Variants in EMSY observed in about 807,000 individuals in gnomAD.
EMSY encodes the protein EMSY transcriptional repressor, BRCA2 interacting.
Under a neutral mutation model 134.6 loss-of-function variants are expected in EMSY, and 26 were observed. The ratio of observed to expected loss-of-function variants is 0.19; its 90% CI spans 0.14 to 0.27. The LOEUF is 0.27. EMSY is among the 10% of genes least tolerant of loss of function. The probability of loss-of-function intolerance (pLI) is 1.00; values close to 1 mark genes in which losing one functional copy is unlikely to be tolerated. For missense variants in EMSY, 1,305 were observed against 1,611.4 expected (o/e 0.81, Z 3.26); for synonymous variants, 579 against 577.8 (o/e 1.00, Z -0.03).
downstream of EMSY, chr11:76,551,795 T>TTA (rs1275807100): frequency 6.6e-6 from 1 of 152,222 alleles, no homozygotes; most frequent in Non-Finnish European, 1.5e-5. Flanking sequence ...TAAATACATG[T>TTA]TAGACTTTGC....
intron 3 of EMSY, among the ~76,000 whole-genome samples, chr11:76,452,602 C>G (rs566127054): frequency 6.6e-6 from 1 of 152,014 alleles, no homozygotes; most frequent in Non-Finnish European, 1.5e-5. Context: ...GTATGGAATA[C>G]AATTTGAAGA....
intron 9 of EMSY, among the ~76,000 whole-genome samples, chr11:76,510,303 T>A (rs2136070921): frequency 6.6e-6 from 1 of 152,328 alleles, no homozygotes; most frequent in South Asian, 2.1e-4. Flanking sequence ...TGAGCCATGA[T>A]CACACCATTG....
chr11:76,551,915 A>G (rs1214681750), downstream of EMSY: 1 of 152,202 alleles, frequency 6.6e-6, no homozygotes, highest in African/African-American at 2.4e-5. Flanking sequence ...AAAATAAAGT[A>G]TCTTTTAAAT....
intron 11 of EMSY, among the ~76,000 whole-genome samples, chr11:76,521,174 T>G (rs552215714): frequency 6.6e-6 from 1 of 152,328 alleles, no homozygotes; most frequent in East Asian, 1.9e-4. Flanking sequence ...AGTTACTTCT[T>G]AGATCAAAGT....
intron 7 of EMSY, among the ~76,000 whole-genome samples, chr11:76,472,180 A>G (rs923381842): frequency 2.6e-5 from 4 of 152,156 alleles, no homozygotes; most frequent in Admixed American, 6.5e-5. Flanking sequence ...TCATTCTTCT[A>G]TTCTCCAGCG....
chr11:76,542,175 G>A, intron 17 of EMSY, 41 bp from the exon 19 acceptor site: 3 of 1,609,130 alleles, frequency 1.9e-6, no homozygotes, highest in Non-Finnish European at 2.6e-6. Flanking sequence ...CAGATGCTGT[G>A]GTGATTTCTG....
intron 9 of EMSY, among the ~76,000 whole-genome samples, chr11:76,512,103 T>A (rs1341965240): frequency 6.6e-6 from 1 of 152,230 alleles, no homozygotes; most frequent in Non-Finnish European, 1.5e-5. Flanking sequence ...AAAAGTAATA[T>A]AATTCTTAGT....
At chr11:76,527,342 A>T (rs574480413) in intron 13 of EMSY, among the ~76,000 whole-genome samples, 2 of 152,288 alleles carry the variant, frequency 1.3e-5, no homozygotes, top group Non-Finnish European at 2.9e-5. Flanking sequence ...TCTAAAAAAA[A>T]AATAAGCTTT....
chr11:76,449,357 T>A (rs1426066305), intron 2 of EMSY, among the ~76,000 whole-genome samples: 1 of 152,164 alleles, frequency 6.6e-6, no homozygotes, highest in Non-Finnish European at 1.5e-5. Context: ...GGTAACTGTG[T>A]TCAGAGTCCC....
At chr11:76,452,713 A>G (rs1947717595) in intron 3 of EMSY, among the ~76,000 whole-genome samples, 1 of 152,232 alleles carries the variant, frequency 6.6e-6, no homozygotes. Flanking sequence ...CAGGATTAAT[A>G]TAAGCACATT....
exon 9 of EMSY, chr11:76,496,451 C>G: frequency 6.2e-7 from 1 of 1,614,054 alleles, no homozygotes; most frequent in Non-Finnish European, 8.5e-7. Context: ...ACCTACCATC[C>G]AAATCAAACA....
chr11:76,479,092 T>C (rs2135462935), intron 8 of EMSY, among the ~76,000 whole-genome samples: 1 of 152,108 alleles, frequency 6.6e-6, no homozygotes, highest in South Asian at 2.1e-4. Flanking sequence ...TTCTTCTTGT[T>C]TTAAAAAAAA....
chr11:76,450,960 ATTTTTTGTATT>A (rs778815010), intron 2 of EMSY, among the ~76,000 whole-genome samples: 49 of 149,200 alleles, frequency 3.3e-4, no homozygotes, highest in South Asian at 1.1e-3. Flanking sequence ...CACCCAGCTA[ATTTTTTGTATT>A]TTTTTTGTAC....
chr11:76,510,984 C>A (rs1476123869), intron 9 of EMSY, among the ~76,000 whole-genome samples: 1 of 152,108 alleles, frequency 6.6e-6, no homozygotes. Context: ...ATTATTTGCC[C>A]TTGGCACGAT....
At chr11:76,544,803 A>G in exon 19 of EMSY, 1 of 1,614,124 alleles carries the variant, frequency 6.2e-7, no homozygotes, top group Non-Finnish European at 8.5e-7. Context: ...GCTTCTTCAG[A>G]GAAACAGACG....
chr11:76,542,044 TC>T, intron 17 of EMSY, 171 bp from the exon 19 acceptor site: 1 of 748,690 alleles, frequency 1.3e-6, no homozygotes, highest in Non-Finnish European at 2.2e-6. Context: ...TAAGAGACTT[TC>T]TTAGAGTCAC....
At chr11:76,548,302 T>G (rs1323227230) in intron 20 of EMSY, among the ~76,000 whole-genome samples, 3 of 152,234 alleles carry the variant, frequency 2.0e-5, no homozygotes, top group African/African-American at 7.2e-5. Flanking sequence ...CTATAAAAAT[T>G]CAACATGTTT....
At chr11:76,543,945 C>G (rs2251075) in intron 18 of EMSY, among the ~76,000 whole-genome samples, 62,097 of 152,030 alleles carry the variant, frequency 0.41, 13,137 homozygotes, top group South Asian at 0.51. Context: ...ACGGCTGTTT[C>G]CTGAGCCAGG....
At chr11:76,460,044 A>G (rs1565277799) in exon 6 of EMSY, 14 of 1,614,102 alleles carry the variant, frequency 8.7e-6, no homozygotes, top group Admixed American at 5.0e-5. Context: ...CCTGCCTCCA[A>G]TGTAGTTGTC....
Sources: gnomAD v4.1 joint callset for allele counts (sites outside exome capture counted in the v4.1 genomes callset) on GRCh38, gnomAD v4.1.1 for gene constraint, MANE v1.5 for transcripts, NCBI Gene and HGNC (gene_info 2026-07-23, HGNC 2026-07-21) for gene names.